The following LIN7A variants were observed in gnomAD, a reference collection of about 807,000 sequenced individuals.
The protein encoded by LIN7A is protein lin-7 homolog A.
A neutral mutation model predicts 29.8 loss-of-function variants in LIN7A; 25 were observed. The ratio of observed to expected loss-of-function variants is 0.84; its 90% CI spans 0.61 to 1.17. The LOEUF is 1.17. LIN7A is among the 50% of genes most tolerant of loss of function. LIN7A has a pLI of 0.00. For synonymous variants in LIN7A, 118 were observed against 107.5 expected (o/e 1.10, Z -0.60); for missense variants, 239 against 287.0 (o/e 0.83, Z 1.21).
At chr12:80,866,812 A>G (rs1874164207) in intron 2 of LIN7A, among the ~76,000 whole-genome samples, 1 of 152,106 alleles carries the variant, frequency 6.6e-6, no homozygotes, top group African/African-American at 2.4e-5. Flanking sequence ...CCAGGTTTTT[A>G]CACCTCTGGA....
At chr12:80,845,191 G>A (rs1197727238) in intron 4 of LIN7A, among the ~76,000 whole-genome samples, 1 of 148,668 alleles carries the variant, frequency 6.7e-6, no homozygotes, top group Non-Finnish European at 1.5e-5. Flanking sequence ...GAGCTGAGAT[G>A]GCACCACTGC....
At chr12:80,878,510 T>C (rs1003051083) in intron 2 of LIN7A, among the ~76,000 whole-genome samples, 1 of 152,034 alleles carries the variant, frequency 6.6e-6, no homozygotes, top group Non-Finnish European at 1.5e-5. Flanking sequence ...TTGCGGTGAG[T>C]GTGACAGCTC....
chr12:80,821,610 C>T (rs974393179), intron 4 of LIN7A, among the ~76,000 whole-genome samples: 1 of 152,186 alleles, frequency 6.6e-6, no homozygotes, highest in Admixed American at 6.5e-5. Context: ...TGCAGCCAGT[C>T]TGGAGTGGAC....
At chr12:80,859,711 T>G (rs911172601) in intron 2 of LIN7A, among the ~76,000 whole-genome samples, 2 of 152,146 alleles carry the variant, frequency 1.3e-5, no homozygotes, top group Non-Finnish European at 2.9e-5. Flanking sequence ...AAACCCCAAA[T>G]TTTTAACAAA....
At chr12:80,843,415 G>A (rs993079320) in intron 4 of LIN7A, among the ~76,000 whole-genome samples, 1 of 152,132 alleles carries the variant, frequency 6.6e-6, no homozygotes, top group Non-Finnish European at 1.5e-5. Flanking sequence ...ACACCTAAAT[G>A]GACAGAGACC....
At chr12:80,928,078 G>A (rs930588332) in intron 1 of LIN7A, among the ~76,000 whole-genome samples, 21 of 152,112 alleles carry the variant, frequency 1.4e-4, no homozygotes, top group Admixed American at 3.9e-4. Flanking sequence ...TGGTGTATAT[G>A]TGCCACATTT....
intron 1 of LIN7A, among the ~76,000 whole-genome samples, chr12:80,906,021 A>AT (rs1249926278): frequency 2.6e-5 from 4 of 152,172 alleles, no homozygotes; most frequent in Admixed American, 6.5e-5. Context: ...AAGAGCTAGT[A>AT]TTTTTTTGTT....
chr12:80,889,018 G>T (rs1473430682), intron 2 of LIN7A, among the ~76,000 whole-genome samples: 1 of 152,080 alleles, frequency 6.6e-6, no homozygotes, highest in Non-Finnish European at 1.5e-5. Flanking sequence ...CTGCTAGGCA[G>T]TCCCTTCATT....
intron 4 of LIN7A, among the ~76,000 whole-genome samples, chr12:80,844,865 A>G (rs1872986577): frequency 6.6e-6 from 1 of 152,186 alleles, no homozygotes; most frequent in African/African-American, 2.4e-5. Flanking sequence ...AGCATATATT[A>G]TGAATAGGTA....
chr12:80,868,595 C>A (rs1353220387), intron 2 of LIN7A, among the ~76,000 whole-genome samples: 1 of 152,048 alleles, frequency 6.6e-6, no homozygotes, highest in Non-Finnish European at 1.5e-5. Context: ...AAACAAACAA[C>A]AACAACAACA....
intron 2 of LIN7A, among the ~76,000 whole-genome samples, chr12:80,856,288 G>GA (rs1202839635): frequency 6.6e-6 from 1 of 152,092 alleles, no homozygotes; most frequent in Non-Finnish European, 1.5e-5. Context: ...CGTCGGACAA[G>GA]AAAAAATACT....
At position 80,924,334 on chromosome 12, in the gene LIN7A, A is replaced by G. The variant is rs373572746; in HGVS notation, c.82+13307T>C. Among the ~76,000 whole-genome samples the G allele has an allele frequency of 3.9e-5, 6 of 152,348 alleles. No homozygotes were observed. In the East Asian group the frequency reaches 7.7e-4, roughly 20 times the overall value. On this transcript the variant is annotated intron_variant, in intron 1 of 5. Transcript: ENST00000552864. ...AGTGGCAGAACTGCAATTCAAATCC[A>G]TATGTATCTAAATCTGAAGCCCATG... is the stretch of plus-strand genomic sequence containing the variant.
chr12:80,828,367 C>T (rs1421933044), intron 4 of LIN7A, among the ~76,000 whole-genome samples: 1 of 151,902 alleles, frequency 6.6e-6, no homozygotes, highest in Non-Finnish European at 1.5e-5. Flanking sequence ...GTTAAATGCA[C>T]CATATATAGA....
intron 1 of LIN7A, among the ~76,000 whole-genome samples, chr12:80,919,426 AAAATGTTTAAC>A (rs1311095916): frequency 6.6e-6 from 1 of 152,176 alleles, no homozygotes; most frequent in Non-Finnish European, 1.5e-5. Context: ...AAATCCAGCT[AAAATGTTTAAC>A]AAATTCAGGA....
At chr12:80,809,406 G>GA (rs1871184626) in intron 5 of LIN7A, among the ~76,000 whole-genome samples, 2 of 152,148 alleles carry the variant, frequency 1.3e-5, no homozygotes, top group South Asian at 4.1e-4. Flanking sequence ...AAGAATATTT[G>GA]AAGTTCACTT....
chr12:80,841,383 GGAAGGAAGGAAGGAAGGAA>G lies in LIN7A; in HGVS notation c.483+4328_483+4346del. 1.4e-5 allele frequency among the ~76,000 whole-genome samples: 2 copies of G among 147,572 alleles called. 1 individual carries two copies. Among genetic ancestry groups the G allele is most frequent in the African/African-American group, 5.2e-5 (2 of 38,508 alleles). On this transcript the variant is annotated intron_variant, in intron 4 of 5. Coordinates refer to ENST00000552864, the MANE Select transcript of LIN7A (RefSeq NM_004664.4). ...AGGAAGGAAGGAAGGAAGGAAGGAA[GGAAGGAAGGAAGGAAGGAA>G]GGAAGGAGGGAAAGAAAGTACGAAC...
chr12:80,928,228 T>C (rs534132613), intron 1 of LIN7A, among the ~76,000 whole-genome samples: 1 of 152,332 alleles, frequency 6.6e-6, no homozygotes, highest in Admixed American at 6.5e-5. Flanking sequence ...TACTCAGTAA[T>C]GGGATCGCTG....
At chr12:80,882,893 A>G (rs1875135515) in intron 2 of LIN7A, among the ~76,000 whole-genome samples, 1 of 152,182 alleles carries the variant, frequency 6.6e-6, no homozygotes, top group Non-Finnish European at 1.5e-5. Context: ...CAAAACCAAG[A>G]TCACAGAAAT....
At chr12:80,808,049 A>C (rs1230416070) in intron 5 of LIN7A, among the ~76,000 whole-genome samples, 2 of 152,184 alleles carry the variant, frequency 1.3e-5, no homozygotes, top group Admixed American at 6.5e-5. Flanking sequence ...CCTGGTCCCC[A>C]GCTATCCTAT....
Sources: gnomAD v4.1 joint callset for allele counts (sites outside exome capture counted in the v4.1 genomes callset) on GRCh38, gnomAD v4.1.1 for gene constraint, MANE v1.5 for transcripts, NCBI Gene and HGNC (gene_info 2026-07-23, HGNC 2026-07-21) for gene names.